Variants in SLC8A2 observed in about 807,000 individuals in gnomAD.
SLC8A2 encodes sodium/calcium exchanger 2.
SLC8A2 carries 14 observed loss-of-function variants against 70.2 expected under a neutral mutation model. The ratio of observed to expected loss-of-function variants is 0.20; its 90% confidence interval spans 0.13 to 0.31. SLC8A2 has a LOEUF of 0.31. Among genes scored for constraint, SLC8A2 ranks in the 10% least tolerant of loss-of-function variants. The pLI is 1.00. For synonymous variants in SLC8A2, 575 were observed against 594.3 expected, an observed-to-expected ratio of 0.97 and a Z score of 0.47; for missense variants, 779 against 1,320.1, an observed-to-expected ratio of 0.59 and a Z score of 6.35.
chr19:47,441,378 A>G lies in SLC8A2; in HGVS notation c.1826T>C (p.Ile609Thr), dbSNP rs1173732214. Residue 609 changes from isoleucine (I) to threonine (T), a missense_variant, in exon 5 of 10, where the codon ATT becomes ACT. Ile to Thr is a moderately conservative substitution (Grantham distance 89, BLOSUM62 -1). Around this residue, in one of 6 missense-constraint regions of SLC8A2, gnomAD observed 247 missense variants for 362.8 expected, o/e 0.68. Coordinates refer to ENST00000236877, the MANE Select transcript of SLC8A2 (RefSeq NM_015063.3). ...AAGCCACTGGGGCTGGCCCAGCTCA[A>G]TGAAGAAATTATCCTTTTTCTCATA... ...EEYEKKDNFFIELGQPQWLKR... is the reference protein window; with the variant it reads ...EEYEKKDNFFTELGQPQWLKR... 6.2e-7 allele frequency: 1 copy of G among 1,614,006 alleles called. No individual in the cohort carries two copies. The highest frequency in any genetic ancestry group is 1.7e-5 in the Admixed American group (1 of 60,016).
intron 4 of SLC8A2, among the ~76,000 whole-genome samples, chr19:47,441,870 G>A (rs113941522): frequency 3.3e-5 from 5 of 152,292 alleles, no homozygotes; most frequent in African/African-American, 9.6e-5. Context: ...TTGGGAGGCC[G>A]AGGCGGGCGG....
chr19:47,465,847 G>T lies in SLC8A2; in HGVS notation c.557C>A (p.Ala186Asp). ...VIAVCIYVIP[A>D]GESRKIKHLR... ...GTGCTTGATCTTGCGGCTCTCGCCG[G>T]CTGGGATGACGTAGATGCACACGGC... Residue 186 changes from alanine (A) to aspartate (D), a missense_variant, in exon 2 of 10, where the codon GCC (alanine) becomes GAC (aspartate). By Grantham distance (126) the Ala-to-Asp change is moderately radical. Around this residue, in one of 6 missense-constraint regions of SLC8A2, gnomAD observed 155 missense variants for 318.6 expected, o/e 0.49. Coordinates refer to ENST00000236877, the MANE Select transcript of SLC8A2 (RefSeq NM_015063.3). This position sits in a 1 kb window ranked among gnomAD's most constrained non-coding sequence, Gnocchi z 5.5. 2 of 1,614,174 alleles carry T rather than the reference G, an allele frequency of 1.2e-6. No homozygotes were observed. Among genetic ancestry groups the T allele is most frequent in the East Asian group, 2.2e-5 (1 of 44,882 alleles).
At position 47,431,892 on chromosome 19, in the gene SLC8A2, TTCTC is replaced by T. The variant is rs1358786842; in HGVS notation, c.2389+271_2389+274del. Among the ~76,000 whole-genome samples the T allele has an allele frequency of 3.9e-5, 6 of 152,218 alleles. No individual in the cohort carries two copies. The East Asian group carries it at 1.2e-3, about 29-fold the overall frequency. ...GCTGTCTCTTCCCCACCCTGCCACCTTCTCTCTATGAAATCCATTGTCTGGTTTC... is the reference window on the plus strand; with the variant it reads ...GCTGTCTCTTCCCCACCCTGCCACCTTCTATGAAATCCATTGTCTGGTTTC... On this transcript the variant is annotated intron_variant, in intron 9 of 9. Coordinates refer to ENST00000236877, the MANE Select transcript of SLC8A2 (RefSeq NM_015063.3).
chr19:47,444,218 TCTCC>T (rs1027405666), intron 4 of SLC8A2, among the ~76,000 whole-genome samples: 88 of 152,124 alleles, frequency 5.8e-4, no homozygotes, highest in African/African-American at 2.0e-3. Context: ...TGGATTCTTC[TCTCC>T]CTGTCTCTGT....
chr19:47,466,353 T>C lies in SLC8A2; in HGVS notation c.51A>G (p.Pro17=), dbSNP rs1967460919. 6.2e-6 allele frequency: 9 copies of C among 1,444,146 alleles called. No individual in the cohort carries two copies. Among genetic ancestry groups the C allele is most frequent in the Non-Finnish European group, 8.2e-6 (9 of 1,098,684 alleles). 89.5% of individuals were successfully genotyped at this position (1,444,146 alleles called of 1,614,324 possible). A position where few individuals can be genotyped will look rare whatever the true frequency, so the allele number is the denominator to read the frequency against. The change falls in exon 2 of 10, where the codon CCA becomes CCG. Residue 17 remains proline, a synonymous_variant. Transcript: ENST00000236877. This position sits in a 1 kb window ranked among gnomAD's most constrained non-coding sequence, Gnocchi z 6.9. ...GGGTTGGGGTGGCTGCCCCGGAGCA[T>C]GGGGGAGCCGCCAGGAGGAGTGTGA... ...VGVTLLLAAP[P]CSGAATPTPS... is the part of the protein sequence containing the mutation.
At chr19:47,441,537 C>A in intron 4 of SLC8A2, 97 bp from the exon 5 acceptor site, 1 of 690,970 alleles carries the variant, frequency 1.4e-6, no homozygotes, top group Non-Finnish European at 2.6e-6. Context: ...GTTTTCCAAG[C>A]ACCTCCTCTG....
rs568934556 is a variant in SLC8A2 at position 47,443,384 on chromosome 19, C to T, written c.1764-1944G>A. On this transcript the variant is annotated intron_variant, in intron 4 of 9. Coordinates refer to ENST00000236877, the MANE Select transcript of SLC8A2 (RefSeq NM_015063.3). ...CCAAAGACCCACAAACCCAGAATGC[C>T]CACAGCTTTGCCACTGGCAACTCTT... is the stretch of plus-strand genomic sequence containing the variant. Among the ~76,000 whole-genome samples the T allele has an allele frequency of 7.2e-5, 11 of 152,322 alleles. No individual in the cohort carries two copies. In the South Asian group the frequency reaches 2.1e-3, roughly 29 times the overall value.
At chr19:47,434,289 T>C (rs830152) in intron 8 of SLC8A2, among the ~76,000 whole-genome samples, 43,362 of 152,118 alleles carry the variant, frequency 0.29, 8,088 homozygotes, top group African/African-American at 0.53. Context: ...CAGGCCCACA[T>C]GCCTAGGCTT....
At chr19:47,434,754 C>T (rs944816947) in intron 8 of SLC8A2, among the ~76,000 whole-genome samples, 1 of 152,094 alleles carries the variant, frequency 6.6e-6, no homozygotes, top group Admixed American at 6.6e-5. Flanking sequence ...TACCCTTCTC[C>T]CTCACCCCTC....
Position 47,462,111 on chromosome 19 carries a change from C to T in SLC8A2, c.675+3618G>A, listed in dbSNP as rs370831267. ...AGAACCTGCCACTAACATTCTTATC[C>T]GCACGGGACAGTCCCACACAATGCA... On this transcript the variant is annotated intron_variant, in intron 2 of 9. Transcript: ENST00000236877. Among the ~76,000 whole-genome samples, 7 of 152,326 alleles carry T rather than the reference C, an allele frequency of 4.6e-5. No homozygotes were observed. In the East Asian group the frequency reaches 5.8e-4, roughly 13 times the overall value.
At chr19:47,459,467 C>CTTT (rs1389234933) in intron 2 of SLC8A2, among the ~76,000 whole-genome samples, 1 of 151,740 alleles carries the variant, frequency 6.6e-6, no homozygotes, top group Non-Finnish European at 1.5e-5. Flanking sequence ...TCCAGAGCTA[C>CTTT]TTTTCTCTCT....
chr19:47,463,894 A>G (rs910009411), intron 2 of SLC8A2, among the ~76,000 whole-genome samples: 3 of 152,008 alleles, frequency 2.0e-5, no homozygotes, highest in Admixed American at 6.6e-5. Context: ...CATGATCCCC[A>G]TTTTACAGTT....
At position 47,466,949 on chromosome 19, in the gene SLC8A2, C is replaced by T. The variant is rs1333855379; in HGVS notation, c.-16-530G>A. The stretch of plus-strand genomic sequence containing the variant: ...GCGGGAGCCTGTAACCCCAGCTACT[C>T]GGGAGGCTGAGGCAGGAGAATCACT... On this transcript the variant is annotated intron_variant, in intron 1 of 9. Transcript: ENST00000236877. This position sits in a 1 kb window ranked among gnomAD's most constrained non-coding sequence, Gnocchi z 6.9. Among the ~76,000 whole-genome samples, 1 of 152,036 alleles carries T rather than the reference C, an allele frequency of 6.6e-6. No individual in the cohort carries two copies. The highest frequency in any genetic ancestry group is 2.4e-5 in the African/African-American group (1 of 41,380).
At chr19:47,462,071 A>G (rs1967401837) in intron 2 of SLC8A2, among the ~76,000 whole-genome samples, 1 of 152,208 alleles carries the variant, frequency 6.6e-6, no homozygotes, top group Admixed American at 6.5e-5. Flanking sequence ...AATGTCCCAC[A>G]TGCCGGCTCA....
intron 2 of SLC8A2, among the ~76,000 whole-genome samples, chr19:47,464,814 T>C (rs1967437658): frequency 6.6e-6 from 1 of 152,134 alleles, no homozygotes; most frequent in Non-Finnish European, 1.5e-5. Flanking sequence ...ATTATGCAAA[T>C]GTAGGAGGCA....
rs753050046 is a variant in SLC8A2 at position 47,465,175 on chromosome 19, G to A, written c.675+554C>T. On this transcript the variant is annotated intron_variant, in intron 2 of 9. Transcript: ENST00000236877. The surrounding 1 kb of genome is among the most constrained non-coding windows in gnomAD (Gnocchi z 5.5). ...AGGTATATATCTATGCGAGCCCATGGATAAATTATGCAAATTGCACTAAGT... is the reference window on the plus strand; with the variant it reads ...AGGTATATATCTATGCGAGCCCATGAATAAATTATGCAAATTGCACTAAGT... 4.9e-4 allele frequency among the ~76,000 whole-genome samples: 74 copies of A among 152,172 alleles called. No homozygotes were observed. The highest frequency in any genetic ancestry group is 9.0e-4 in the Non-Finnish European group (61 of 68,038).
chr19:47,439,617 T>TTCCTTCCTTACTTCCTTCCTTC (rs1555747523), intron 6 of SLC8A2, among the ~76,000 whole-genome samples: 1 of 145,812 alleles, frequency 6.9e-6, no homozygotes, highest in African/African-American at 2.6e-5. Context: ...TTCCTTCCTT[T>TTCCTTCCTTACTTCCTTCCTTC]CTTCCTTCCT....
intron 2 of SLC8A2, among the ~76,000 whole-genome samples, chr19:47,461,139 G>A (rs1213052756): frequency 6.6e-6 from 1 of 151,736 alleles, no homozygotes; most frequent in Non-Finnish European, 1.5e-5. Context: ...GCAGTGAGCT[G>A]AGATCACCCC....
chr19:47,438,161 T>C (rs912459394), intron 6 of SLC8A2, among the ~76,000 whole-genome samples, 188 bp from the exon 7 acceptor site: 1 of 152,016 alleles, frequency 6.6e-6, no homozygotes, highest in African/African-American at 2.4e-5. Context: ...CTCCCAAGGG[T>C]TGGTTCATGA....
Sources: gnomAD v4.1 joint callset for allele counts (sites outside exome capture counted in the v4.1 genomes callset) on GRCh38, gnomAD v4.1.1 for gene constraint, gnomAD v4.1.1 regional missense constraint, Gnocchi (gnomAD v3.1) non-coding constraint, MANE v1.5 for transcripts, NCBI Gene and HGNC (gene_info 2026-07-23, HGNC 2026-07-21) for gene names.